UBE2D3: variants seen among roughly 807,000 people sequenced by gnomAD.
UBE2D3 encodes ubiquitin-conjugating enzyme E2 D3.
A neutral mutation model predicts 22.8 loss-of-function variants in UBE2D3; 2 were observed. That is an observed-to-expected ratio of 0.09 (90% CI 0.04 to 0.28). The LOEUF (loss-of-function observed/expected upper bound fraction) is 0.28. Among genes scored for constraint, UBE2D3 ranks in the 10% least tolerant of loss-of-function variants. The pLI, the probability that UBE2D3 is intolerant of heterozygous loss-of-function variation, is 1.00. For synonymous variants in UBE2D3, 56 were observed against 60.4 expected (o/e 0.93, Z 0.34); for missense variants, 27 against 182.5 (o/e 0.15, Z 4.91).
intron 1 of UBE2D3, among the ~76,000 whole-genome samples, chr4:102,848,741 C>T (rs1476185574): frequency 6.6e-6 from 1 of 152,062 alleles, no homozygotes; most frequent in Non-Finnish European, 1.5e-5. Flanking sequence ...ATTGTTTGAG[C>T]CTAGGAGGTT....
rs1234781557 is a variant in UBE2D3, at chr4:102,812,898, T to C, written c.25-3043A>G. ...TGCCATTTAAAAAATTATAGTATTA[T>C]AGACTACAGTCAATGGGGGTTATTA... On this transcript the variant is annotated intron_variant, in intron 2 of 7. Coordinates refer to ENST00000453744, the MANE Select transcript of UBE2D3 (RefSeq NM_181891.3). 4 of 152,318 alleles carry C rather than the reference T, an allele frequency of 2.6e-5. No homozygotes were observed. The Middle Eastern group carries it at 0.01, about 389-fold the overall frequency. The allele number at this position is 152,318 out of a possible 1,614,324, so 9.4% of individuals were successfully genotyped here.
chr4:102,798,906 CAT>C (rs758770171), intron 7 of UBE2D3: 7 of 1,610,032 alleles, frequency 4.3e-6, no homozygotes, highest in African/African-American at 2.7e-5. Context: ...ATAAGCGCAC[CAT>C]AGAGTGCAGA....
chr4:102,827,284 G>T, intron 1 of UBE2D3, 143 bp downstream of exon 1: 1 of 953,380 alleles, frequency 1.0e-6, no homozygotes, highest in Non-Finnish European at 1.2e-6. Flanking sequence ...AGAGGCCGCG[G>T]CTTCCCCAAC....
At chr4:102,811,787 C>A (rs539550167) in intron 2 of UBE2D3, 4 of 447,936 alleles carry the variant, frequency 8.9e-6, no homozygotes, top group Admixed American at 2.4e-5. Context: ...GAAGCAGAGG[C>A]GAGAGGACAG....
exon 1 of UBE2D3, chr4:102,868,782 TG>T (rs1733312434): frequency 6.2e-7 from 1 of 1,613,804 alleles, no homozygotes; most frequent in African/African-American, 1.3e-5. Context: ...GTATCCTTTC[TG>T]CTGGTCTCCA....
intron 2 of UBE2D3, among the ~76,000 whole-genome samples, chr4:102,814,676 ACT>A (rs2110296838): frequency 6.6e-6 from 1 of 152,164 alleles, no homozygotes; most frequent in African/African-American, 2.4e-5. Flanking sequence ...AATAGGAATC[ACT>A]ACCTGGCACA....
At chr4:102,809,902 A>G (rs1727675490) in intron 2 of UBE2D3, 47 bp from the exon 3 acceptor site, 1 of 1,534,912 alleles carries the variant, frequency 6.5e-7, no homozygotes, top group Admixed American at 1.9e-5. Context: ...TTAATTTAAG[A>G]AAACAAGCAA....
At chr4:102,815,420 T>C (rs1299480889) in intron 2 of UBE2D3, among the ~76,000 whole-genome samples, 1 of 152,156 alleles carries the variant, frequency 6.6e-6, no homozygotes, top group East Asian at 1.9e-4. Flanking sequence ...CAATACCCAA[T>C]AATGTTGGAA....
chr4:102,837,670 G>A (rs1731483751), intron 1 of UBE2D3, among the ~76,000 whole-genome samples: 1 of 152,040 alleles, frequency 6.6e-6, no homozygotes, highest in Non-Finnish European at 1.5e-5. Context: ...AAAATTTTTC[G>A]GCTGGGCGCA....
chr4:102,819,485 ACTTT>A (rs1729249195), intron 2 of UBE2D3: 1 of 868,878 alleles, frequency 1.2e-6, no homozygotes, highest in Non-Finnish European at 1.4e-6. Context: ...CATTCGGTTA[ACTTT>A]CTTTCAATGA....
At chr4:102,821,803 T>A (rs1323494048) in intron 2 of UBE2D3, among the ~76,000 whole-genome samples, 1 of 152,140 alleles carries the variant, frequency 6.6e-6, no homozygotes, top group East Asian at 1.9e-4. Flanking sequence ...AAAATTTTTT[T>A]AAAAACTCCA....
At chr4:102,846,539 T>C (rs1221117356) in intron 1 of UBE2D3, among the ~76,000 whole-genome samples, 2 of 152,200 alleles carry the variant, frequency 1.3e-5, no homozygotes, top group African/African-American at 2.4e-5. Context: ...GGCCTTTAGT[T>C]CTCCTACATA....
intron 2 of UBE2D3, among the ~76,000 whole-genome samples, chr4:102,813,576 A>G (rs774859894): frequency 1.8e-4 from 27 of 152,214 alleles, no homozygotes; most frequent in African/African-American, 6.5e-4. Flanking sequence ...TTTGAAAAGT[A>G]TATATACAAG....
At chr4:102,812,457 A>G (rs1728191334) in intron 2 of UBE2D3, 1 of 152,228 alleles carries the variant, frequency 6.6e-6, no homozygotes. Flanking sequence ...AATCTTTAAA[A>G]TAGGCTCTCA....
In UBE2D3 at chr4:102,827,546, G is replaced by A. The variant is rs569854480; in HGVS notation, c.-248C>T. The A allele has an allele frequency of 1.1e-4, 105 of 986,434 alleles. No individual in the cohort carries two copies. The African/African-American group carries it at 1.6e-3, about 15-fold the overall frequency. The allele number at this position is 986,434 out of a possible 1,614,324, so 61.1% of individuals were successfully genotyped here. ...ACAGCCACAAGATGTCCGCTCTGAC[G>A]GAACTACTGCCAGCTGCCACGCTCC... On this transcript the variant is annotated 5_prime_UTR_variant, in exon 1 of 8. Transcript: ENST00000453744.
chr4:102,843,544 A>G (rs948923713), intron 1 of UBE2D3: 3 of 152,186 alleles, frequency 2.0e-5, no homozygotes, highest in Non-Finnish European at 4.4e-5. Context: ...CTCCTTCAGC[A>G]CTTCTCCCTC....
At chr4:102,857,340 G>C (rs2110375023) in intron 1 of UBE2D3, among the ~76,000 whole-genome samples, 1 of 152,132 alleles carries the variant, frequency 6.6e-6, no homozygotes, top group South Asian at 2.1e-4. Context: ...AAATAATAAA[G>C]GACTATACTA....
At chr4:102,861,960 C>T (rs1732921513) in intron 1 of UBE2D3, among the ~76,000 whole-genome samples, 1 of 152,012 alleles carries the variant, frequency 6.6e-6, no homozygotes, top group East Asian at 1.9e-4. Context: ...CTCTGTTGCT[C>T]AGGCTGGGGT....
rs186335065 is a variant in UBE2D3, at chr4:102,815,174, A to T, written c.25-5319T>A. The stretch of plus-strand genomic sequence containing the variant: ...TTCTCCTGCCTCAGCCTTCCGAGTA[A>T]CTGGAACTAGAGATGTGCGCCACCA... On this transcript the variant is annotated intron_variant, in intron 2 of 7. Transcript: ENST00000453744. Among the ~76,000 whole-genome samples, 4 of 151,992 alleles carry T rather than the reference A, an allele frequency of 2.6e-5. No individual in the cohort carries two copies. In the East Asian group the frequency reaches 7.7e-4, roughly 29 times the overall value.
Sources: allele counts gnomAD v4.1 joint callset (sites outside exome capture counted in the v4.1 genomes callset), GRCh38; gene constraint gnomAD v4.1.1; transcripts MANE v1.5; gene names NCBI Gene and HGNC (gene_info 2026-07-23, HGNC 2026-07-21).